SLC16A2: variants seen among roughly 807,000 people sequenced by gnomAD.
The protein encoded by SLC16A2 is monocarboxylate transporter 8.
Under a neutral mutation model 27.2 loss-of-function variants are expected in SLC16A2, and 3 were observed. That is an observed-to-expected ratio of 0.11 (90% CI 0.05 to 0.28). The LOEUF (loss-of-function observed/expected upper bound fraction) is 0.28. SLC16A2 is among the 10% of genes least tolerant of loss of function. SLC16A2 has a pLI of 1.00. For missense variants in SLC16A2, 295 were observed against 458.5 expected, an observed-to-expected ratio of 0.64 and a Z score of 3.26; for synonymous variants, 202 against 187.8, an observed-to-expected ratio of 1.08 and a Z score of -0.62.
At chrX:74,458,963 T>A (rs920175937) in intron 1 of SLC16A2, among the ~76,000 whole-genome samples, 15 of 109,414 alleles carry the variant, frequency 1.4e-4, no homozygotes, top group Non-Finnish European at 2.5e-4. Flanking sequence ...GGAATTTGCT[T>A]GTTAAATCTC....
intron 1 of SLC16A2, among the ~76,000 whole-genome samples, chrX:74,441,304 C>G (rs947487146): frequency 9.0e-6 from 1 of 111,480 alleles, no homozygotes; most frequent in Non-Finnish European, 1.9e-5. Context: ...GGTAATCCAC[C>G]TGCCTTGGCC....
intron 1 of SLC16A2, among the ~76,000 whole-genome samples, chrX:74,492,657 A>G (rs1357658455): frequency 9.0e-6 from 1 of 110,897 alleles, no homozygotes; most frequent in Non-Finnish European, 1.9e-5. Flanking sequence ...TTCATTACTC[A>G]TTCATTACTG....
chrX:74,424,920 G>A (rs1421252346), intron 1 of SLC16A2, among the ~76,000 whole-genome samples: 2 of 111,844 alleles, frequency 1.8e-5, no homozygotes, highest in Non-Finnish European at 3.8e-5. Context: ...GTGCAGTGGC[G>A]CAGTCATATT....
intron 1 of SLC16A2, among the ~76,000 whole-genome samples, chrX:74,478,547 C>T (rs1181644031): frequency 9.0e-6 from 1 of 111,621 alleles, no homozygotes; most frequent in Non-Finnish European, 1.9e-5. Context: ...GGTTATTTTG[C>T]TTGTTAGTTG....
At chrX:74,524,094 G>A (rs893743064) in intron 2 of SLC16A2, among the ~76,000 whole-genome samples, 1 of 111,736 alleles carries the variant, frequency 8.9e-6, no homozygotes, top group African/African-American at 3.3e-5. Context: ...TCATGCTAGA[G>A]TCACACAGAC....
chrX:74,457,111 G>T (rs1929052671), intron 1 of SLC16A2, among the ~76,000 whole-genome samples: 1 of 104,844 alleles, frequency 9.5e-6, no homozygotes, highest in African/African-American at 3.5e-5. Flanking sequence ...ATCCTCTGGG[G>T]AGCTTAAAAA....
At chrX:74,473,535 T>G in intron 1 of SLC16A2, 2 of 673,902 alleles carry the variant, frequency 3.0e-6, no homozygotes, top group Non-Finnish European at 4.8e-6. Context: ...CCTCAGTCGG[T>G]CATGATTTCA....
At chrX:74,490,641 C>A (rs1212605449) in intron 1 of SLC16A2, among the ~76,000 whole-genome samples, 2 of 111,413 alleles carry the variant, frequency 1.8e-5, no homozygotes, top group Non-Finnish European at 3.8e-5. Flanking sequence ...GGGGGGTTAA[C>A]CTCCACCAGA....
intron 1 of SLC16A2, among the ~76,000 whole-genome samples, chrX:74,448,384 A>C (rs760342903): frequency 9.8e-6 from 1 of 101,543 alleles, no homozygotes; most frequent in African/African-American, 3.6e-5. Flanking sequence ...GCCAGATGGG[A>C]AAGTAAGGGC....
At chrX:74,452,298 C>T (rs903572815) in intron 1 of SLC16A2, among the ~76,000 whole-genome samples, 2 of 111,928 alleles carry the variant, frequency 1.8e-5, no homozygotes, top group Non-Finnish European at 3.8e-5. Flanking sequence ...TAGTCTTGTC[C>T]GTTCCCGTTC....
chrX:74,525,233 A>C (rs192761538), intron 3 of SLC16A2, among the ~76,000 whole-genome samples: 220 of 111,779 alleles, frequency 2.0e-3, no homozygotes, highest in African/African-American at 6.9e-3. Context: ...AAAGGGACTA[A>C]AAAAAATTGT....
chrX:74,453,865 A>AT (rs1184326342), intron 1 of SLC16A2, among the ~76,000 whole-genome samples: 2 of 111,339 alleles, frequency 1.8e-5, no homozygotes, highest in Non-Finnish European at 3.8e-5. Flanking sequence ...GCTTTTAACT[A>AT]TTTTTTTATT....
At chrX:74,500,584 T>G (rs1029611978) in intron 1 of SLC16A2, among the ~76,000 whole-genome samples, 1 of 111,402 alleles carries the variant, frequency 9.0e-6, no homozygotes, top group African/African-American at 3.3e-5. Flanking sequence ...CGAAGTCCAT[T>G]GTATCATTCT....
intron 1 of SLC16A2, among the ~76,000 whole-genome samples, chrX:74,497,103 T>A (rs1399966269): frequency 1.8e-5 from 2 of 111,152 alleles, no homozygotes; most frequent in African/African-American, 6.6e-5. Flanking sequence ...AGGATGGGGG[T>A]GTGGCAGGCC....
At chrX:74,514,638 C>T (rs1930287977) in intron 1 of SLC16A2, among the ~76,000 whole-genome samples, 1 of 111,784 alleles carries the variant, frequency 8.9e-6, no homozygotes, top group African/African-American at 3.3e-5. Context: ...CTCTCCTACT[C>T]CTGGCAAGGT....
At chrX:74,469,299 C>T (rs1247383791) in intron 1 of SLC16A2, among the ~76,000 whole-genome samples, 1 of 111,739 alleles carries the variant, frequency 8.9e-6, no homozygotes, top group Non-Finnish European at 1.9e-5. Context: ...GTGCAGATAT[C>T]TCTTGGATAT....
At chrX:74,510,573 G>A (rs1357989482) in intron 1 of SLC16A2, among the ~76,000 whole-genome samples, 3 of 111,491 alleles carry the variant, frequency 2.7e-5, no homozygotes, top group Admixed American at 9.5e-5. Flanking sequence ...ACTCTTAAGT[G>A]TAGGTCTCTC....
intron 1 of SLC16A2, among the ~76,000 whole-genome samples, chrX:74,439,355 G>C (rs756230878): frequency 1.3e-4 from 13 of 98,680 alleles, no homozygotes; most frequent in Non-Finnish European, 2.4e-4. Flanking sequence ...TGTTGCCCAG[G>C]CTGGAGTGCA....
At chrX:74,506,022 A>T (rs1930119697) in intron 1 of SLC16A2, among the ~76,000 whole-genome samples, 1 of 112,251 alleles carries the variant, frequency 8.9e-6, no homozygotes, top group Non-Finnish European at 1.9e-5. Context: ...GTGGTGGGAC[A>T]GATCAATGGA....
Sources: gnomAD v4.1 joint callset for allele counts (sites outside exome capture counted in the v4.1 genomes callset) on GRCh38, gnomAD v4.1.1 for gene constraint, MANE v1.5 for transcripts, NCBI Gene and HGNC (gene_info 2026-07-23, HGNC 2026-07-21) for gene names.